The following PREX1 variants were observed in gnomAD, a reference collection of about 807,000 sequenced individuals.
PREX1 encodes phosphatidylinositol-3,4,5-trisphosphate dependent Rac exchange factor 1, also known as phosphatidylinositol 3,4,5-trisphosphate-dependent Rac exchanger 1 protein.
PREX1 carries 41 observed loss-of-function variants against 198.3 expected under a neutral mutation model. That is an observed-to-expected ratio of 0.21 (90% CI 0.16 to 0.27). The LOEUF is 0.27. Among genes scored for constraint, PREX1 ranks in the 10% least tolerant of loss-of-function variants. PREX1 has a pLI of 1.00. For missense variants in PREX1, 1,620 were observed against 2,200.7 expected (o/e 0.74, Z 5.28); for synonymous variants, 843 against 887.2 (o/e 0.95, Z 0.89).
intron 1 of PREX1, among the ~76,000 whole-genome samples, chr20:48,763,113 T>C (rs1432964300): frequency 6.6e-6 from 1 of 152,264 alleles, no homozygotes; most frequent in African/African-American, 2.4e-5. Context: ...GGGTAAACTG[T>C]ATGGTGGTAC....
At chr20:48,747,907 A>T (rs1445086904) in intron 1 of PREX1, 27 bp from the exon 2 acceptor site, 2 of 1,592,976 alleles carry the variant, frequency 1.3e-6, no homozygotes, top group Non-Finnish European at 1.7e-6. Flanking sequence ...GAGAGAGGTG[A>T]GTGTCCGCGT....
chr20:48,729,591 C>G (rs1180693861), intron 4 of PREX1, among the ~76,000 whole-genome samples: 1 of 152,204 alleles, frequency 6.6e-6, no homozygotes, highest in Non-Finnish European at 1.5e-5. Flanking sequence ...CTCCATTCTT[C>G]CAGTTGCTTG....
At chr20:48,878,630 G>A in the PREX1 span, among the ~76,000 whole-genome samples, 4 of 152,096 alleles carry the variant, frequency 2.6e-5, no homozygotes, top group African/African-American at 7.2e-5. Context: ...GAGCCACCGC[G>A]CCCGGCCACA....
At chr20:48,840,755 G>C in the PREX1 span, among the ~76,000 whole-genome samples, 1 of 152,206 alleles carries the variant, frequency 6.6e-6, no homozygotes, top group African/African-American at 2.4e-5. Context: ...TTGAGATTCT[G>C]TGAGCTCCCA....
At chr20:48,646,675 C>CAAA (rs552888256) in intron 25 of PREX1, among the ~76,000 whole-genome samples, 2 of 82,522 alleles carry the variant, frequency 2.4e-5, no homozygotes, top group African/African-American at 4.7e-5. Context: ...GAACCCATCT[C>CAAA]AAAAAAAAAA....
the PREX1 span, among the ~76,000 whole-genome samples, chr20:48,863,102 A>G: frequency 6.6e-6 from 1 of 152,302 alleles, no homozygotes; most frequent in East Asian, 1.9e-4. Context: ...TGCTAGGATT[A>G]TAGGCGTAAG....
At chr20:48,770,004 G>C (rs1267426416) in intron 1 of PREX1, among the ~76,000 whole-genome samples, 1 of 152,188 alleles carries the variant, frequency 6.6e-6, no homozygotes, top group Non-Finnish European at 1.5e-5. Flanking sequence ...GTAAGCCCAA[G>C]GAGGTAAATT....
the PREX1 span, among the ~76,000 whole-genome samples, chr20:48,881,453 A>C: frequency 6.6e-6 from 1 of 151,320 alleles, no homozygotes; most frequent in African/African-American, 2.4e-5. Flanking sequence ...ACTTATTTTT[A>C]ACAGTTTTAT....
At chr20:48,742,361 T>C (rs2090086270) in intron 3 of PREX1, among the ~76,000 whole-genome samples, 1 of 152,176 alleles carries the variant, frequency 6.6e-6, no homozygotes, top group South Asian at 2.1e-4. Flanking sequence ...TCATTCATTC[T>C]CTCAACCACC....
chr20:48,625,974 G>A, intron 39 of PREX1, 47 bp from the exon 40 acceptor site: 1 of 1,475,184 alleles, frequency 6.8e-7, no homozygotes. Flanking sequence ...GGCGGGCCAG[G>A]ACCTATTTGT....
At chr20:48,828,048 G>A (rs1416649778), upstream of PREX1, among the ~76,000 whole-genome samples, 2 of 146,220 alleles carry the variant, frequency 1.4e-5, no homozygotes, top group Non-Finnish European at 3.0e-5. Context: ...CGGGGGCCGG[G>A]CGAGGGGCGG....
chr20:48,667,768 G>A (rs1347807358), intron 14 of PREX1, among the ~76,000 whole-genome samples: 1 of 152,180 alleles, frequency 6.6e-6, no homozygotes, highest in African/African-American at 2.4e-5. Flanking sequence ...TTGGCCTTTG[G>A]GGCCAACTCT....
chr20:48,754,085 A>G (rs1328773450), intron 1 of PREX1, among the ~76,000 whole-genome samples: 1 of 152,206 alleles, frequency 6.6e-6, no homozygotes, highest in East Asian at 1.9e-4. Flanking sequence ...AGGATGGGAG[A>G]GACAGGGAGA....
In PREX1 at chr20:48,825,366, T is replaced by C. The variant is rs563985133; in HGVS notation, c.219+2276A>G. 6.6e-5 allele frequency among the ~76,000 whole-genome samples: 10 copies of C among 152,308 alleles called. No homozygotes were observed. In the East Asian group the frequency reaches 9.7e-4, roughly 15 times the overall value. On this transcript the variant is annotated intron_variant, in intron 1 of 39. Coordinates refer to ENST00000371941, the MANE Select transcript of PREX1 (RefSeq NM_020820.4). ...ACTGAGGTCAGGACACGTAGCATGA[T>C]TGGTCCAAGACACATGTCCAAGTCA...
Position 48,691,263 on chromosome 20 carries a change from T to C in PREX1, c.1037-167A>G, listed in dbSNP as rs1250261715. Among the ~76,000 whole-genome samples, 1 of 152,116 alleles carries C rather than the reference T, an allele frequency of 6.6e-6. No individual in the cohort carries two copies. The highest frequency in any genetic ancestry group is 1.5e-5 in the Non-Finnish European group (1 of 68,010). On this transcript the variant is annotated intron_variant, in intron 8 of 39. Transcript: ENST00000371941. The surrounding 1 kb of genome is among the most constrained non-coding windows in gnomAD (Gnocchi z 5.0). ...ACGCTCACTTCTTATCCTTTTCCAG[T>C]GGGCAAGGAAGACCTTCTGCAAACA... is the stretch of plus-strand genomic sequence containing the variant.
At chr20:48,763,780 G>A (rs144992848) in intron 1 of PREX1, among the ~76,000 whole-genome samples, 36 of 152,282 alleles carry the variant, frequency 2.4e-4, no homozygotes, top group African/African-American at 7.5e-4. Flanking sequence ...GAGCCTGCTC[G>A]GCCCCAGGGA....
intron 1 of PREX1, among the ~76,000 whole-genome samples, chr20:48,818,115 G>A (rs754568044): frequency 2.6e-5 from 4 of 152,176 alleles, no homozygotes; most frequent in African/African-American, 4.8e-5. Context: ...GGGAGGGAGC[G>A]CATTCCAGAC....
chr20:48,806,403 C>T (rs2090412034), intron 1 of PREX1, among the ~76,000 whole-genome samples: 1 of 152,218 alleles, frequency 6.6e-6, no homozygotes, highest in Non-Finnish European at 1.5e-5. Flanking sequence ...GTCTGCCCCA[C>T]AGTAGGTGTT....
chr20:48,649,916 G>A, intron 24 of PREX1, 80 bp downstream of exon 24: 1 of 1,510,712 alleles, frequency 6.6e-7, no homozygotes, highest in African/African-American at 1.4e-5. Flanking sequence ...GCCCTGGACG[G>A]CTGACCTTCA....
Sources: gnomAD v4.1 joint callset for allele counts (sites outside exome capture counted in the v4.1 genomes callset) on GRCh38, gnomAD v4.1.1 for gene constraint, Gnocchi (gnomAD v3.1) non-coding constraint, MANE v1.5 for transcripts, NCBI Gene and HGNC (gene_info 2026-07-23, HGNC 2026-07-21) for gene names.